Variants in PITPNC1 observed in about 807,000 individuals in gnomAD.
PITPNC1 encodes phosphatidylinositol transfer protein cytoplasmic 1.
PITPNC1 carries 18 observed loss-of-function variants against 44.7 expected under a neutral mutation model. The observed-to-expected ratio is 0.40, with a 90% confidence interval of 0.28 to 0.60. PITPNC1 has a LOEUF of 0.60. Ranked by LOEUF, PITPNC1 falls within the 20% of genes least tolerant of loss-of-function variation. PITPNC1 has a pLI of 0.39. For synonymous variants in PITPNC1, 141 were observed against 149.6 expected, an observed-to-expected ratio of 0.94 and a Z score of 0.42; for missense variants, 290 against 418.4, an observed-to-expected ratio of 0.69 and a Z score of 2.68.
intron 1 of PITPNC1, among the ~76,000 whole-genome samples, chr17:67,384,618 G>C (rs1240009969): frequency 6.6e-5 from 10 of 152,122 alleles, no homozygotes; most frequent in African/African-American, 2.4e-4. Context: ...GTAGAGACGG[G>C]GTTTCACCCT....
chr17:67,452,849 A>T (rs1293701267), intron 1 of PITPNC1, among the ~76,000 whole-genome samples: 1 of 152,160 alleles, frequency 6.6e-6, no homozygotes, highest in Non-Finnish European at 1.5e-5. Context: ...TTTCCAAAGT[A>T]GTTCTTGCAT....
At chr17:67,519,332 A>T (rs2040298083) in intron 1 of PITPNC1, among the ~76,000 whole-genome samples, 2 of 151,854 alleles carry the variant, frequency 1.3e-5, no homozygotes, top group African/African-American at 4.8e-5. Flanking sequence ...GTGCACCACC[A>T]CACCTGGCTA....
chr17:67,566,240 G>A lies in PITPNC1; in HGVS notation c.295-11946G>A, dbSNP rs112107549. ...GTTTTTTGATACAGGGGCTTGCTCT[G>A]TCACCCAGGCTGGAGTGCAGTGGCG... On this transcript the variant is annotated intron_variant, in intron 4 of 8. Coordinates refer to ENST00000581322, the MANE Select transcript of PITPNC1 (RefSeq NM_012417.4). 3.7e-3 allele frequency among the ~76,000 whole-genome samples: 558 copies of A among 152,252 alleles called. 1 individual carries two copies. Among genetic ancestry groups the A allele is most frequent in the African/African-American group, 0.013 (536 of 41,522 alleles).
At chr17:67,423,207 A>G (rs1170872037) in intron 1 of PITPNC1, among the ~76,000 whole-genome samples, 1 of 152,202 alleles carries the variant, frequency 6.6e-6, no homozygotes, top group Non-Finnish European at 1.5e-5. Context: ...CCAAGGAAAC[A>G]GAGGATTTTA....
At position 67,622,799 on chromosome 17, in the gene PITPNC1, C is replaced by T. The variant is rs1055018239; in HGVS notation, c.367-9344C>T. ...GCTCAGGCAGGAGAATCACTTGAAC[C>T]CAGGAGGCAGAGGTTGCAGTCACGC... On this transcript the variant is annotated intron_variant, in intron 5 of 8. Coordinates refer to ENST00000581322, the MANE Select transcript of PITPNC1 (RefSeq NM_012417.4). Among the ~76,000 whole-genome samples, 8 of 151,736 alleles carry T rather than the reference C, an allele frequency of 5.3e-5. 1 individual carries two copies. Among genetic ancestry groups the T allele is most frequent in the Admixed American group, 5.3e-4 (8 of 15,226 alleles).
At chr17:67,522,657 A>ATTTTTTTTTTTTTTTTTTTTTTTT (rs1219049449) in intron 1 of PITPNC1, among the ~76,000 whole-genome samples, 19 of 59,950 alleles carry the variant, frequency 3.2e-4, no homozygotes, top group African/African-American at 1.8e-3. Context: ...TACCATTTTA[A>ATTTTTTTTTTTTTTTTTTTTTTTT]TCTTTTTTTT....
chr17:67,385,129 G>C (rs574291245), intron 1 of PITPNC1, among the ~76,000 whole-genome samples: 2 of 152,286 alleles, frequency 1.3e-5, no homozygotes, highest in African/African-American at 2.4e-5. Flanking sequence ...TTCTTGGTCC[G>C]GTGGGGACTT....
intron 1 of PITPNC1, among the ~76,000 whole-genome samples, chr17:67,411,769 C>T (rs991259353): frequency 2.0e-5 from 3 of 151,972 alleles, no homozygotes; most frequent in Admixed American, 6.6e-5. Context: ...TGATTTTCAT[C>T]CTGGGGGTAC....
intron 1 of PITPNC1, among the ~76,000 whole-genome samples, chr17:67,523,286 G>T (rs563134361): frequency 1.2e-4 from 19 of 152,284 alleles, no homozygotes; most frequent in South Asian, 2.1e-4. Context: ...TGAGCAGATG[G>T]TCAGATTTCC....
rs569360967 is a variant in PITPNC1, at chr17:67,596,574, G to A, written c.366+18317G>A. 3.2e-4 allele frequency among the ~76,000 whole-genome samples: 48 copies of A among 152,102 alleles called. 2 individuals carry two copies. Among genetic ancestry groups the A allele is most frequent in the Admixed American group, 1.7e-3 (26 of 15,272 alleles). On this transcript the variant is annotated intron_variant, in intron 5 of 8. Transcript: ENST00000581322. Reference sequence around the variant, plus strand: ...CGTCCAGGCTGGAGTGCAGTGGCCCGATCTCGGCTCACTGCAACCTCTGCC... The same window carrying A: ...CGTCCAGGCTGGAGTGCAGTGGCCCAATCTCGGCTCACTGCAACCTCTGCC...
chr17:67,669,275 C>T (rs1481311319), intron 6 of PITPNC1, among the ~76,000 whole-genome samples: 2 of 152,084 alleles, frequency 1.3e-5, no homozygotes, highest in Non-Finnish European at 2.9e-5. Flanking sequence ...ACCACCATGC[C>T]CAGCTAATTT....
chr17:67,433,556 T>C (rs1356672524), intron 1 of PITPNC1, among the ~76,000 whole-genome samples: 4 of 151,924 alleles, frequency 2.6e-5, no homozygotes, highest in African/African-American at 9.7e-5. Context: ...CTGGGCAACA[T>C]AGGGAGAGTC....
intron 8 of PITPNC1, among the ~76,000 whole-genome samples, chr17:67,684,617 T>G (rs565898467): frequency 3.9e-5 from 6 of 152,314 alleles, no homozygotes; most frequent in African/African-American, 1.4e-4. Flanking sequence ...GTTTTCTGAC[T>G]AAATTGATTT....
chr17:67,626,825 A>T (rs1056418171), intron 5 of PITPNC1, among the ~76,000 whole-genome samples: 9 of 152,084 alleles, frequency 5.9e-5, no homozygotes, highest in Non-Finnish European at 4.4e-5. Context: ...TCATGAAAAA[A>T]AAAAAAAAAA....
chr17:67,389,841 G>T (rs1339758201), intron 1 of PITPNC1, among the ~76,000 whole-genome samples: 1 of 151,972 alleles, frequency 6.6e-6, no homozygotes, highest in African/African-American at 2.4e-5. Context: ...CACCACGCCC[G>T]GCTAATTGTT....
At chr17:67,468,565 C>G (rs1443033424) in intron 1 of PITPNC1, among the ~76,000 whole-genome samples, 1 of 151,064 alleles carries the variant, frequency 6.6e-6, no homozygotes, top group Non-Finnish European at 1.5e-5. Flanking sequence ...CCACGCCCAG[C>G]TAAATTTTTT....
chr17:67,493,651 T>C (rs1378043089), intron 1 of PITPNC1, among the ~76,000 whole-genome samples: 7 of 152,126 alleles, frequency 4.6e-5, no homozygotes, highest in Non-Finnish European at 7.4e-5. Context: ...TTTCTGGAAA[T>C]GGGGGAGGGT....
At chr17:67,424,101 A>G (rs1484992221) in intron 1 of PITPNC1, among the ~76,000 whole-genome samples, 2 of 151,714 alleles carry the variant, frequency 1.3e-5, no homozygotes, top group East Asian at 3.8e-4. Flanking sequence ...AAAAAAAAAA[A>G]AAAAAATAGA....
chr17:67,650,501 T>C lies in PITPNC1; in HGVS notation c.462+18263T>C, dbSNP rs374855088. Among the ~76,000 whole-genome samples the C allele has an allele frequency of 9.5e-4, 126 of 132,552 alleles. 1 individual carries two copies. Among genetic ancestry groups the C allele is most frequent in the African/African-American group, 3.0e-3 (100 of 33,140 alleles). 87.0% of individuals were successfully genotyped at this position (132,552 alleles called of 152,430 possible). On this transcript the variant is annotated intron_variant, in intron 6 of 8. Coordinates refer to ENST00000581322, the MANE Select transcript of PITPNC1 (RefSeq NM_012417.4). The stretch of plus-strand genomic sequence containing the variant: ...CCTTGCTCTGTCTCCCAGGCTGGAG[T>C]GCAGTGGTGCGATCTCAGCTCACTG...
Sources: allele counts gnomAD v4.1 joint callset (sites outside exome capture counted in the v4.1 genomes callset), GRCh38; gene constraint gnomAD v4.1.1; transcripts MANE v1.5; gene names NCBI Gene and HGNC (gene_info 2026-07-23, HGNC 2026-07-21).